Variants in NRXN2 observed in about 807,000 individuals in gnomAD.
NRXN2 encodes the protein neurexin 2.
Under a neutral mutation model 128.8 loss-of-function variants are expected in NRXN2, and 29 were observed. That is an observed-to-expected ratio of 0.23 (90% CI 0.17 to 0.31). NRXN2 has a LOEUF of 0.31. Among genes scored for constraint, NRXN2 ranks in the 10% least tolerant of loss-of-function variants. The pLI, the probability that NRXN2 is intolerant of heterozygous loss-of-function variation, is 1.00. For missense variants in NRXN2, 1,881 were observed against 2,452.6 expected, an observed-to-expected ratio of 0.77 and a Z score of 4.92; for synonymous variants, 1,098 against 1,075.2, an observed-to-expected ratio of 1.02 and a Z score of -0.41.
At chr11:64,695,627 T>C (rs554276877) in intron 3 of NRXN2, among the ~76,000 whole-genome samples, 2 of 152,044 alleles carry the variant, frequency 1.3e-5, no homozygotes, top group Admixed American at 6.5e-5. Flanking sequence ...GAAATAAAGA[T>C]GGTGATAGGT....
chr11:64,619,215 G>A (rs1053241404), intron 22 of NRXN2, among the ~76,000 whole-genome samples: 2 of 151,962 alleles, frequency 1.3e-5, no homozygotes, highest in African/African-American at 4.8e-5. Context: ...AAGGTAATGG[G>A]GAGAAGTCTC....
intron 1 of NRXN2, among the ~76,000 whole-genome samples, chr11:64,717,360 G>A (rs886444644): frequency 8.5e-5 from 13 of 152,120 alleles, no homozygotes; most frequent in African/African-American, 2.7e-4. Flanking sequence ...GCCCAGAGCC[G>A]CCACACCTCT....
At position 64,679,083 on chromosome 11, in the gene NRXN2, C is replaced by T. The variant is rs371728209; in HGVS notation, c.1153-2046G>A. 5.3e-5 allele frequency among the ~76,000 whole-genome samples: 8 copies of T among 152,118 alleles called. No individual in the cohort carries two copies. In the South Asian group the frequency reaches 1.0e-3, roughly 20 times the overall value. The stretch of plus-strand genomic sequence containing the variant: ...GGATTAGTACTGGTGGCTGGTAGGA[C>T]TGTCATGAAATGAAGAGGCCAACTA... On this transcript the variant is annotated intron_variant, in intron 6 of 22. Transcript: ENST00000265459.
intron 1 of NRXN2, among the ~76,000 whole-genome samples, chr11:64,721,813 A>G (rs777825208): frequency 6.6e-6 from 1 of 152,134 alleles, no homozygotes; most frequent in Non-Finnish European, 1.5e-5. Context: ...AAACAGGGCT[A>G]TCTGGAAGCC....
At chr11:64,701,556 T>C (rs768070725) in intron 2 of NRXN2, among the ~76,000 whole-genome samples, 2 of 152,064 alleles carry the variant, frequency 1.3e-5, no homozygotes, top group East Asian at 1.9e-4. Context: ...CTGGGCAACA[T>C]AGGGAGACCC....
chr11:64,690,974 C>T (rs1346221182), intron 4 of NRXN2, among the ~76,000 whole-genome samples: 3 of 152,198 alleles, frequency 2.0e-5, no homozygotes, highest in African/African-American at 7.2e-5. Flanking sequence ...ACCCCCTCCT[C>T]CAGAAACTTC....
At chr11:64,624,216 C>T (rs2042770637) in intron 20 of NRXN2, among the ~76,000 whole-genome samples, 1 of 152,120 alleles carries the variant, frequency 6.6e-6, no homozygotes, top group Admixed American at 6.5e-5. Flanking sequence ...AAGCCTTGCC[C>T]CCAAAACCCG....
intron 5 of NRXN2, chr11:64,688,217 C>T: frequency 1.1e-6 from 1 of 883,958 alleles, no homozygotes; most frequent in Non-Finnish European, 1.4e-6. Context: ...CTCAGCCCTG[C>T]CTCCAGTCTC....
intron 17 of NRXN2, among the ~76,000 whole-genome samples, chr11:64,639,442 G>T (rs1176473538): frequency 6.6e-6 from 1 of 152,304 alleles, no homozygotes; most frequent in East Asian, 1.9e-4. Context: ...TACTGACTCA[G>T]AAATTAGCAG....
In NRXN2 at chr11:64,630,923, C is replaced by T. The variant is rs752053707; in HGVS notation, c.3586-350G>A. On this transcript the variant is annotated intron_variant, in intron 18 of 22. Coordinates refer to ENST00000265459, the MANE Select transcript of NRXN2 (RefSeq NM_015080.4). This position sits in a 1 kb window ranked among gnomAD's most constrained non-coding sequence, Gnocchi z 4.6. ...GATCGGGCCAAGCTGGGGACCAGCTCGGGGCATGGAGGGCAGAGGCCTCTC... is the reference window on the plus strand; with the variant it reads ...GATCGGGCCAAGCTGGGGACCAGCTTGGGGCATGGAGGGCAGAGGCCTCTC... Among the ~76,000 whole-genome samples the T allele has an allele frequency of 4.6e-5, 7 of 152,202 alleles. No individual in the cohort carries two copies. The highest frequency in any genetic ancestry group is 2.6e-4 in the Admixed American group (4 of 15,290).
chr11:64,717,684 C>A (rs148770621), intron 1 of NRXN2, among the ~76,000 whole-genome samples: 415 of 152,378 alleles, frequency 2.7e-3, no homozygotes, highest in African/African-American at 9.3e-3. Flanking sequence ...AAGCTTTGGG[C>A]TCCGTCTGCA....
chr11:64,652,809 C>G (rs892177500), intron 12 of NRXN2, among the ~76,000 whole-genome samples: 2 of 152,218 alleles, frequency 1.3e-5, no homozygotes, highest in South Asian at 4.1e-4. Context: ...GGTTCTGTTT[C>G]TTAGGAACTA....
intron 17 of NRXN2, among the ~76,000 whole-genome samples, chr11:64,643,668 T>C (rs2046168836): frequency 1.3e-5 from 2 of 150,902 alleles, no homozygotes; most frequent in South Asian, 2.1e-4. Flanking sequence ...CCAGAGCGGC[T>C]CCCGATCTGC....
In NRXN2 at chr11:64,713,406, C is replaced by T; in HGVS notation, c.294G>A (p.Pro98=). 1 of 1,487,292 alleles carries T rather than the reference C, an allele frequency of 6.7e-7. No individual in the cohort carries two copies. The allele number at this position is 1,487,292 out of a possible 1,614,324, so 92.1% of individuals were successfully genotyped here. A position where few individuals can be genotyped will look rare whatever the true frequency, so the allele number is the denominator to read the frequency against. The change falls in exon 2 of 23, where the codon CCG becomes CCA. Residue 98 remains proline (P), a synonymous_variant. Coordinates refer to ENST00000265459, the MANE Select transcript of NRXN2 (RefSeq NM_015080.4). ...CCGGCGTGTCCAGCTGCAGCGTGGC[C>T]GGCTCGGCGCACGAAAGCGTGAAGC... is the stretch of plus-strand genomic sequence containing the variant. The part of the protein sequence containing the change: ...RLRFTLSCAE[P]ATLQLDTPVA...
intron 17 of NRXN2, chr11:64,643,540 T>G: frequency 7.8e-6 from 1 of 128,808 alleles, no homozygotes; most frequent in Non-Finnish European, 1.6e-5. Flanking sequence ...CTGAGAGGGC[T>G]GGAAGGGAGA....
rs184305916 is a variant in NRXN2 at position 64,704,913 on chromosome 11, A to G, written c.731-7121T>C. Among the ~76,000 whole-genome samples the G allele has an allele frequency of 1.2e-4, 19 of 152,334 alleles. No homozygotes were observed. The East Asian group carries it at 3.3e-3, about 26-fold the overall frequency. ...TGCTTAGGGAGGCAGAGAGGTGTGTAACACATTGTGAAGAGATTTCCATCT... is the reference window on the plus strand; with the variant it reads ...TGCTTAGGGAGGCAGAGAGGTGTGTGACACATTGTGAAGAGATTTCCATCT... On this transcript the variant is annotated intron_variant, in intron 2 of 22. Transcript: ENST00000265459.
chr11:64,643,448 G>A (rs2046095559), intron 17 of NRXN2: 2 of 187,332 alleles, frequency 1.1e-5, no homozygotes, highest in Non-Finnish European at 9.9e-6. Context: ...GGAGAGGAGG[G>A]GAGCGGGGCT....
At chr11:64,669,333 TG>T (rs1254685103) in intron 7 of NRXN2, among the ~76,000 whole-genome samples, 2 of 152,192 alleles carry the variant, frequency 1.3e-5, no homozygotes, top group Non-Finnish European at 2.9e-5. Flanking sequence ...GTCACTCTCT[TG>T]CCTCCAAAGG....
rs1313216277 is a variant in NRXN2, at chr11:64,713,117, G to T, written c.583C>A (p.Gln195Lys). 6.4e-6 allele frequency: 9 copies of T among 1,410,712 alleles called. No homozygotes were observed. Among genetic ancestry groups the T allele is most frequent in the African/African-American group, 1.5e-5 (1 of 66,982 alleles). The allele number at this position is 1,410,712 out of a possible 1,614,324, so 87.4% of individuals were successfully genotyped here. ...TCGGCGGTGGCGCCGCGCAGGCCCT[G>T]GCTGCCCAGCAGCGCGGGGGGCCGC... is the stretch of plus-strand genomic sequence containing the variant. Reference protein sequence around the residue: ...GERPPALLGSQGLRGATADPL... With the variant: ...GERPPALLGSKGLRGATADPL... Residue 195 changes from glutamine to lysine, a missense_variant, in exon 2 of 23, where the codon CAG (glutamine) becomes AAG (lysine). This residue lies in a region of NRXN2 where 997 missense variants were observed against 1,240.8 expected (regional missense o/e 0.80). Coordinates refer to ENST00000265459, the MANE Select transcript of NRXN2 (RefSeq NM_015080.4).
Sources: allele counts gnomAD v4.1 joint callset (sites outside exome capture counted in the v4.1 genomes callset), GRCh38; gene constraint gnomAD v4.1.1; regional missense constraint gnomAD v4.1.1; non-coding constraint Gnocchi (gnomAD v3.1); transcripts MANE v1.5; gene names NCBI Gene and HGNC (gene_info 2026-07-23, HGNC 2026-07-21).